Variants in TRAPPC12 observed in about 807,000 individuals in gnomAD.
TRAPPC12 encodes the protein trafficking protein particle complex subunit 12.
A neutral mutation model predicts 69.2 loss-of-function variants in TRAPPC12; 61 were observed. The observed-to-expected ratio is 0.88, with a 90% CI of 0.72 to 1.09. The LOEUF (loss-of-function observed/expected upper bound fraction) is 1.09. Ranked by LOEUF, TRAPPC12 falls within the 50% of genes least tolerant of loss-of-function variation. TRAPPC12 has a pLI of 0.00. For synonymous variants in TRAPPC12, 469 were observed against 438.9 expected, an observed-to-expected ratio of 1.07 and a Z score of -0.86; for missense variants, 1,101 against 1,016.4, an observed-to-expected ratio of 1.08 and a Z score of -1.13.
At chr2:3,385,732 C>A (rs748343536) in intron 1 of TRAPPC12, among the ~76,000 whole-genome samples, 1 of 152,234 alleles carries the variant, frequency 6.6e-6, no homozygotes, top group Non-Finnish European at 1.5e-5. Flanking sequence ...TCATCATTAG[C>A]TTATATCGAA....
intron 2 of TRAPPC12, among the ~76,000 whole-genome samples, chr2:3,393,587 A>G (rs934224604): frequency 4.6e-5 from 7 of 152,152 alleles, no homozygotes; most frequent in Admixed American, 2.6e-4. Context: ...CACAATGTCT[A>G]TTTATAACAA....
At chr2:3,421,048 A>G (rs1229779826) in intron 3 of TRAPPC12, among the ~76,000 whole-genome samples, 3 of 152,254 alleles carry the variant, frequency 2.0e-5, no homozygotes, top group South Asian at 4.1e-4. Context: ...GGCAGGAGGT[A>G]CTTAAAGCAT....
intron 1 of TRAPPC12, among the ~76,000 whole-genome samples, chr2:3,380,897 C>T (rs1205111139): frequency 6.6e-6 from 1 of 152,194 alleles, no homozygotes; most frequent in African/African-American, 2.4e-5. Context: ...TCTAAAAGAT[C>T]AAGATTTTCA....
intron 1 of TRAPPC12, among the ~76,000 whole-genome samples, chr2:3,384,514 A>G (rs1660405566): frequency 6.6e-6 from 1 of 152,178 alleles, no homozygotes; most frequent in Admixed American, 6.5e-5. Context: ...GACAGGTTTT[A>G]TCTTGAGCAG....
chr2:3,455,110 C>G (rs992565902), intron 6 of TRAPPC12: 1 of 152,266 alleles, frequency 6.6e-6, no homozygotes, highest in Non-Finnish European at 1.5e-5. Flanking sequence ...CTCCGCTGAC[C>G]AGGGCGCTGT....
Position 3,452,329 on chromosome 2 carries a change from A to G in TRAPPC12, c.1531-5292A>G, listed in dbSNP as rs925483142. Among the ~76,000 whole-genome samples the G allele has an allele frequency of 3.9e-5, 6 of 152,282 alleles. No homozygotes were observed. In the East Asian group the frequency reaches 1.2e-3, roughly 29 times the overall value. On this transcript the variant is annotated intron_variant, in intron 6 of 11. Coordinates refer to ENST00000324266, the MANE Select transcript of TRAPPC12 (RefSeq NM_016030.6). ...AGTGCCTTGCACGGCCGGGTCTCAG[A>G]GGTCTCTATGTCCCCTCCACCTGGT...
chr2:3,433,003 T>C (rs1663523431), intron 5 of TRAPPC12, among the ~76,000 whole-genome samples: 1 of 152,220 alleles, frequency 6.6e-6, no homozygotes, highest in African/African-American at 2.4e-5. Context: ...ATTTAAGGTA[T>C]TTTTTTCTCT....
intron 8 of TRAPPC12, chr2:3,460,786 G>A (rs1020758580): frequency 7.6e-5 from 12 of 157,636 alleles, no homozygotes; most frequent in East Asian, 3.8e-4. Context: ...CTCTCAGCCC[G>A]CAGGGAAACA....
At chr2:3,453,700 T>C (rs1418997110) in intron 6 of TRAPPC12, among the ~76,000 whole-genome samples, 1 of 152,214 alleles carries the variant, frequency 6.6e-6, no homozygotes, top group Admixed American at 6.5e-5. Flanking sequence ...CTGCTCCTTT[T>C]GTCTGGGGCA....
At chr2:3,427,856 G>T (rs991271959) in intron 5 of TRAPPC12, among the ~76,000 whole-genome samples, 7 of 151,426 alleles carry the variant, frequency 4.6e-5, no homozygotes, top group African/African-American at 1.7e-4. Flanking sequence ...TCATACCACT[G>T]CACTCCAGCC....
At chr2:3,395,522 A>G (rs992821221) in intron 2 of TRAPPC12, among the ~76,000 whole-genome samples, 1 of 150,444 alleles carries the variant, frequency 6.6e-6, no homozygotes, top group Non-Finnish European at 1.5e-5. Flanking sequence ...TATACTAGCT[A>G]CAGATTCTCG....
At chr2:3,408,381 C>T (rs1396113067) in intron 3 of TRAPPC12, among the ~76,000 whole-genome samples, 1 of 152,186 alleles carries the variant, frequency 6.6e-6, no homozygotes, top group Non-Finnish European at 1.5e-5. Context: ...AATCCCAGCA[C>T]TTTGGGAGGC....
intron 5 of TRAPPC12, among the ~76,000 whole-genome samples, chr2:3,434,628 G>A (rs1253018454): frequency 4.6e-5 from 7 of 152,216 alleles, no homozygotes; most frequent in Non-Finnish European, 2.9e-5. Flanking sequence ...GCGTCTACCT[G>A]GGAGAGCCCA....
In TRAPPC12 at chr2:3,388,545, G is replaced by T. The variant is rs781560913; in HGVS notation, c.922G>T (p.Asp308Tyr). 24 of 1,612,964 alleles carry T rather than the reference G, an allele frequency of 1.5e-5. No individual in the cohort carries two copies. Among genetic ancestry groups the T allele is most frequent in the Non-Finnish European group, 2.0e-5 (24 of 1,179,758 alleles). The change falls in exon 2 of 12, where the codon GAC (aspartate) becomes TAC (tyrosine). Residue 308 changes from aspartate (D) to tyrosine (Y), a missense_variant. Asp to Tyr is a radical substitution (Grantham distance 160). Transcript: ENST00000324266. ...CATGAGCGAGATGGACCGGAGGAAC[G>T]ACGCCTGGCTTCCCGGCGAGGCTAC... ...LSMSEMDRRN[D>Y]AWLPGEATRG...
At chr2:3,468,945 G>A (rs766249736) in intron 9 of TRAPPC12, among the ~76,000 whole-genome samples, 2 of 152,092 alleles carry the variant, frequency 1.3e-5, no homozygotes, top group East Asian at 1.9e-4. Context: ...ACGGGGACTC[G>A]AGTCCAGCAG....
intron 5 of TRAPPC12, among the ~76,000 whole-genome samples, chr2:3,437,812 C>A (rs1198057797): frequency 5.7e-3 from 27 of 4,732 alleles, no homozygotes; most frequent in Non-Finnish European, 8.1e-3. Context: ...TTAATCCCCC[C>A]ATCACCCCTG....
chr2:3,412,091 G>A (rs1662096316), intron 3 of TRAPPC12, among the ~76,000 whole-genome samples: 1 of 152,168 alleles, frequency 6.6e-6, no homozygotes, highest in African/African-American at 2.4e-5. Flanking sequence ...TTCTTGTAGT[G>A]CTATGAATTT....
intron 1 of TRAPPC12, among the ~76,000 whole-genome samples, chr2:3,387,330 C>T (rs1660538707): frequency 6.6e-6 from 1 of 152,006 alleles, no homozygotes; most frequent in South Asian, 2.1e-4. Flanking sequence ...ATGGTGGATG[C>T]TCTAGGCGGG....
At chr2:3,478,651 A>G (rs1243502051) in intron 10 of TRAPPC12, 195 bp from the exon 11 acceptor site, 1 of 536,868 alleles carries the variant, frequency 1.9e-6, no homozygotes, top group Non-Finnish European at 3.3e-6. Flanking sequence ...AAAAATAAAT[A>G]AAAACTAGAG....
Sources: allele counts gnomAD v4.1 joint callset (sites outside exome capture counted in the v4.1 genomes callset), GRCh38; gene constraint gnomAD v4.1.1; transcripts MANE v1.5; gene names NCBI Gene and HGNC (gene_info 2026-07-23, HGNC 2026-07-21).